The following NRXN1 variants were observed in gnomAD, a reference collection of about 807,000 sequenced individuals.
NRXN1 encodes the protein neurexin 1, also known as neurexin-1.
NRXN1 carries 39 observed loss-of-function variants against 150.9 expected under a neutral mutation model. That is an observed-to-expected ratio of 0.26 (90% CI 0.20 to 0.34). NRXN1 has a LOEUF of 0.34. NRXN1 is among the 10% of genes least tolerant of loss of function. The probability of loss-of-function intolerance (pLI) is 1.00; values close to 1 mark genes in which losing one functional copy is unlikely to be tolerated. For missense variants in NRXN1, 1,815 were observed against 1,949.9 expected (o/e 0.93, Z 1.30); for synonymous variants, 924 against 757.0 (o/e 1.22, Z -3.62).
chr2:50,129,203 AT>A (rs79880813), intron 18 of NRXN1, among the ~76,000 whole-genome samples: 119 of 151,006 alleles, frequency 7.9e-4, no homozygotes, highest in African/African-American at 2.3e-3. Flanking sequence ...CTACTAAAGC[AT>A]TTTTTTTTAA....
In NRXN1 at chr2:50,104,758, G is replaced by C. The variant is rs572994923; in HGVS notation, c.3547-13264C>G. On this transcript the variant is annotated intron_variant, in intron 18 of 22. Coordinates refer to ENST00000401669, the MANE Select transcript of NRXN1 (RefSeq NM_001330078.2). ...TTCAAGCAGTCCAATTCCAGATTTT[G>C]TGTGCTAAACTATACCATTGCTCCT... 6.6e-5 allele frequency among the ~76,000 whole-genome samples: 10 copies of C among 152,118 alleles called. No individual in the cohort carries two copies. In the South Asian group the frequency reaches 2.1e-3, roughly 32 times the overall value.
intron 5 of NRXN1, among the ~76,000 whole-genome samples, chr2:50,807,678 A>G (rs982576388): frequency 3.3e-5 from 5 of 152,086 alleles, no homozygotes; most frequent in Admixed American, 2.6e-4. Flanking sequence ...CTGCTGTACT[A>G]ATTAGATCTG....
chr2:50,571,663 T>G (rs1670680640), intron 8 of NRXN1, among the ~76,000 whole-genome samples: 1 of 152,100 alleles, frequency 6.6e-6, no homozygotes, highest in African/African-American at 2.4e-5. Flanking sequence ...AAATAATATT[T>G]AAAAACTGTC....
At chr2:49,984,590 T>G (rs1197087061) in intron 21 of NRXN1, among the ~76,000 whole-genome samples, 1 of 152,090 alleles carries the variant, frequency 6.6e-6, no homozygotes, top group East Asian at 1.9e-4. Context: ...GAGCTTGCAC[T>G]CAGGAAAGCA....
chr2:50,151,923 TAGAGAA>T (rs1317528809), intron 18 of NRXN1, among the ~76,000 whole-genome samples: 1 of 151,764 alleles, frequency 6.6e-6, no homozygotes, highest in Non-Finnish European at 1.5e-5. Flanking sequence ...TTTAAGCAGC[TAGAGAA>T]AATGATTACC....
At position 50,855,102 on chromosome 2, in the gene NRXN1, T is replaced by C. The variant is rs1319011966; in HGVS notation, c.832+66767A>G. 5.9e-5 allele frequency among the ~76,000 whole-genome samples: 9 copies of C among 152,048 alleles called. 2 individuals are homozygous for C. In the South Asian group the frequency reaches 1.7e-3, roughly 28 times the overall value. On this transcript the variant is annotated intron_variant, in intron 5 of 22. Coordinates refer to ENST00000401669, the MANE Select transcript of NRXN1 (RefSeq NM_001330078.2). ...CCAAATATTAATAGTGTGTGACTGT[T>C]AAGAGGAAGAACGTGGTGCAGTGGG...
At chr2:50,451,201 T>A (rs1009089277) in intron 17 of NRXN1, among the ~76,000 whole-genome samples, 6 of 152,322 alleles carry the variant, frequency 3.9e-5, no homozygotes, top group Admixed American at 2.0e-4. Context: ...ACTCCCAGGC[T>A]CAAGCGATCT....
At chr2:50,661,553 C>T (rs561220048) in intron 5 of NRXN1, among the ~76,000 whole-genome samples, 1 of 152,150 alleles carries the variant, frequency 6.6e-6, no homozygotes, top group South Asian at 2.1e-4. Flanking sequence ...TCAGTAATTA[C>T]CCAACAGCTG....
intron 13 of NRXN1, among the ~76,000 whole-genome samples, chr2:50,501,366 G>C (rs1037741699): frequency 1.4e-5 from 2 of 144,518 alleles, no homozygotes; most frequent in African/African-American, 5.1e-5. Flanking sequence ...TTGAAGCAGG[G>C]GTTAACCATG....
intron 5 of NRXN1, among the ~76,000 whole-genome samples, chr2:50,783,972 C>A (rs1022367042): frequency 1.3e-5 from 2 of 152,070 alleles, no homozygotes; most frequent in Non-Finnish European, 2.9e-5. Context: ...CTACAAGTAA[C>A]AAATATTCAA....
intron 17 of NRXN1, among the ~76,000 whole-genome samples, chr2:50,243,224 C>T (rs904380921): frequency 6.6e-6 from 1 of 151,432 alleles, no homozygotes; most frequent in Non-Finnish European, 1.5e-5. Flanking sequence ...ATATGCTAAA[C>T]ATACCGATTT....
At chr2:50,844,079 G>T (rs891136346) in intron 5 of NRXN1, among the ~76,000 whole-genome samples, 2 of 152,132 alleles carry the variant, frequency 1.3e-5, no homozygotes, top group Non-Finnish European at 2.9e-5. Flanking sequence ...CAAACCCAAA[G>T]AATGGACCTG....
At chr2:50,600,376 G>A (rs1319193320) in intron 8 of NRXN1, among the ~76,000 whole-genome samples, 1 of 145,904 alleles carries the variant, frequency 6.9e-6, no homozygotes, top group East Asian at 2.0e-4. Flanking sequence ...CCAGGCTGGA[G>A]TGCAGTGGTG....
chr2:50,526,964 G>T (rs1573405978), intron 12 of NRXN1, among the ~76,000 whole-genome samples: 1 of 152,188 alleles, frequency 6.6e-6, no homozygotes, highest in East Asian at 1.9e-4. Flanking sequence ...AGTCTAACAA[G>T]GGTAATTATA....
chr2:50,496,080 C>T lies in NRXN1; in HGVS notation c.2895G>A (p.Val965=), dbSNP rs199734638. 7 of 1,603,646 alleles carry T rather than the reference C, an allele frequency of 4.4e-6. No individual in the cohort carries two copies. The highest frequency in any genetic ancestry group is 6.0e-6 in the Non-Finnish European group (7 of 1,174,476). The change falls in exon 15 of 23, where the codon GTG becomes GTA. Residue 965 remains valine (V), a synonymous_variant. Coordinates refer to ENST00000401669, the MANE Select transcript of NRXN1 (RefSeq NM_001330078.2). ...GGTTAGCACCATTTCCCAAATCAAA[C>T]ACGTAATGTAAGTACCTGGGAAAAA... ...VELVKGYLHY[V]FDLGNGANLI...
chr2:50,131,259 G>T (rs1705447163), intron 18 of NRXN1, among the ~76,000 whole-genome samples: 1 of 152,118 alleles, frequency 6.6e-6, no homozygotes, highest in Non-Finnish European at 1.5e-5. Context: ...TAACACCTTT[G>T]TCCCAGAGCA....
At chr2:50,861,583 T>C (rs908001460) in intron 5 of NRXN1, among the ~76,000 whole-genome samples, 76 of 152,080 alleles carry the variant, frequency 5.0e-4, no homozygotes, top group African/African-American at 1.8e-3. Context: ...ATTCTCTTCA[T>C]AACCAGAGGA....
At chr2:50,402,878 G>C (rs11904293) in intron 17 of NRXN1, among the ~76,000 whole-genome samples, 1 of 152,076 alleles carries the variant, frequency 6.6e-6, no homozygotes, top group East Asian at 1.9e-4. Context: ...TAGATTTACT[G>C]CAGAGAGCTG....
intron 17 of NRXN1, among the ~76,000 whole-genome samples, chr2:50,427,789 C>T (rs561416057): frequency 7.8e-4 from 119 of 152,220 alleles, no homozygotes; most frequent in African/African-American, 2.4e-3. Context: ...GTAACTTCTT[C>T]GAATACATTT....
Sources: gnomAD v4.1 joint callset for allele counts (sites outside exome capture counted in the v4.1 genomes callset) on GRCh38, gnomAD v4.1.1 for gene constraint, MANE v1.5 for transcripts, NCBI Gene and HGNC (gene_info 2026-07-23, HGNC 2026-07-21) for gene names.